The following MGAT4C variants were observed in gnomAD, a reference collection of about 807,000 sequenced individuals.
MGAT4C encodes MGAT4 family member C.
Under a neutral mutation model 40.1 loss-of-function variants are expected in MGAT4C, and 19 were observed. The ratio of observed to expected loss-of-function variants is 0.47; its 90% CI spans 0.33 to 0.70. The LOEUF is 0.70. MGAT4C is among the 30% of genes least tolerant of loss of function. The probability of loss-of-function intolerance (pLI) is 0.02; values close to 1 mark genes in which losing one functional copy is unlikely to be tolerated. For missense variants in MGAT4C, 491 were observed against 563.2 expected, an observed-to-expected ratio of 0.87 and a Z score of 1.30; for synonymous variants, 181 against 187.1, an observed-to-expected ratio of 0.97 and a Z score of 0.27.
chr12:86,419,842 G>C (rs1172756235), intron 3 of MGAT4C, among the ~76,000 whole-genome samples: 1 of 152,096 alleles, frequency 6.6e-6, no homozygotes, highest in East Asian at 1.9e-4. Context: ...TGTATTAAGA[G>C]AGTTGTATCA....
intron 2 of MGAT4C, among the ~76,000 whole-genome samples, chr12:86,709,872 C>A: frequency 6.6e-6 from 1 of 152,156 alleles, no homozygotes; most frequent in East Asian, 1.9e-4. Flanking sequence ...TTTATTTGTG[C>A]TAATACTCTT....
chr12:86,357,997 C>T (rs754567604), intron 3 of MGAT4C, among the ~76,000 whole-genome samples: 10 of 151,940 alleles, frequency 6.6e-5, no homozygotes, highest in South Asian at 4.1e-4. Flanking sequence ...CGATACTCCT[C>T]GAGAAGAACA....
In MGAT4C at chr12:86,769,166, T is replaced by A. The variant is rs188154549; in HGVS notation, c.-261-41925A>T. 3.1e-3 allele frequency among the ~76,000 whole-genome samples: 467 copies of A among 151,766 alleles called. 3 individuals are homozygous for A. Among genetic ancestry groups the A allele is most frequent in the Middle Eastern group, 0.014 (4 of 292 alleles). ...GAATCTACAAAGAACTCAAACAAAT[T>A]TACAAGAGAAAAACAAAAAACCCCA... is the stretch of plus-strand genomic sequence containing the variant. On this transcript the variant is annotated intron_variant, in intron 1 of 7. Coordinates refer to the MGAT4C transcript ENST00000548651.
intron 2 of MGAT4C, among the ~76,000 whole-genome samples, chr12:86,684,282 T>C (rs138817002): frequency 0.013 from 1,984 of 152,282 alleles, 95 homozygotes; most frequent in Admixed American, 0.021. Flanking sequence ...ACATGTGGTG[T>C]TTGGTTTTCT....
intron 1 of MGAT4C, among the ~76,000 whole-genome samples, chr12:86,242,396 C>T (rs756436239): frequency 1.3e-5 from 2 of 152,150 alleles, no homozygotes; most frequent in Non-Finnish European, 2.9e-5. Context: ...GAATCTGCAT[C>T]ATTTCATTTA....
rs1555227786 is a variant in MGAT4C, at chr12:86,774,322, T to TCTTTCTTTCTTTCTTTC, written c.-261-47098_-261-47082dup. Among the ~76,000 whole-genome samples, 181 of 99,520 alleles carry TCTTTCTTTCTTTCTTTC rather than the reference T, an allele frequency of 1.8e-3. 9 individuals carry two copies. The highest frequency in any genetic ancestry group is 4.5e-3 in the Middle Eastern group (1 of 224). 65.3% of individuals were successfully genotyped at this position (99,520 alleles called of 152,430 possible). On this transcript the variant is annotated intron_variant, in intron 1 of 7. Transcript: ENST00000548651. ...TTCTTTCTTTCTTTCTTTCTTTCTTTCTTTCTTTCTTTCTTTCTGTCTCTC... is the reference window on the plus strand; with the variant it reads ...TTCTTTCTTTCTTTCTTTCTTTCTTTCTTTCTTTCTTTCTTTCCTTTCTTTCTTTCTTTCTGTCTCTC...
intron 2 of MGAT4C, among the ~76,000 whole-genome samples, chr12:86,003,220 T>C (rs1456541983): frequency 6.6e-6 from 1 of 152,234 alleles, no homozygotes; most frequent in African/African-American, 2.4e-5. Context: ...GAAATGGACG[T>C]ATATTTGGCA....
At chr12:86,250,899 T>C (rs1219994805) in intron 1 of MGAT4C, among the ~76,000 whole-genome samples, 3 of 152,080 alleles carry the variant, frequency 2.0e-5, no homozygotes, top group African/African-American at 7.2e-5. Context: ...GTTTGTACTA[T>C]ACCAGAGTTT....
chr12:86,688,622 A>G (rs1200766080), intron 2 of MGAT4C, among the ~76,000 whole-genome samples: 1 of 152,152 alleles, frequency 6.6e-6, no homozygotes, highest in Non-Finnish European at 1.5e-5. Flanking sequence ...TTGGCTGGAT[A>G]TGAAATTCTG....
In MGAT4C at chr12:86,732,630, G is replaced by A. The variant is rs144498350; in HGVS notation, c.-261-5389C>T. Among the ~76,000 whole-genome samples, 599 of 152,158 alleles carry A rather than the reference G, an allele frequency of 3.9e-3. 18 individuals carry two copies. Among genetic ancestry groups the A allele is most frequent in the Admixed American group, 0.037 (562 of 15,244 alleles). On this transcript the variant is annotated intron_variant, in intron 1 of 7. Coordinates refer to the MGAT4C transcript ENST00000548651. ...TCTAATGCCAAGACAGATCTGACAG[G>A]AGGTGGAGCTCAGGTGGTAATGCAT...
intron 2 of MGAT4C, among the ~76,000 whole-genome samples, chr12:86,024,532 C>A (rs1890078142): frequency 6.6e-6 from 1 of 151,686 alleles, no homozygotes; most frequent in Admixed American, 6.6e-5. Flanking sequence ...ATATAATTTT[C>A]ATTTATATAA....
intron 2 of MGAT4C, among the ~76,000 whole-genome samples, chr12:86,454,935 AT>A (rs1046803360): frequency 7.9e-5 from 12 of 151,748 alleles, no homozygotes; most frequent in Non-Finnish European, 1.5e-4. Context: ...CTCCTAATAC[AT>A]TTTTTCTTAC....
intron 2 of MGAT4C, among the ~76,000 whole-genome samples, chr12:86,014,425 A>C (rs116452176): frequency 5.5e-4 from 84 of 152,236 alleles, no homozygotes; most frequent in African/African-American, 2.0e-3. Context: ...TGAGGATGTT[A>C]ATGCGGGAAA....
chr12:86,360,739 G>A, intron 3 of MGAT4C, among the ~76,000 whole-genome samples: 1 of 152,136 alleles, frequency 6.6e-6, no homozygotes, highest in East Asian at 1.9e-4. Context: ...ATTCACAATT[G>A]CTTGAAAGAG....
intron 2 of MGAT4C, among the ~76,000 whole-genome samples, chr12:86,641,562 AAGG>A (rs1963388845): frequency 6.6e-6 from 1 of 151,810 alleles, no homozygotes; most frequent in Admixed American, 6.6e-5. Context: ...AAAGAATTCT[AAGG>A]AGAGGTACTG....
intron 4 of MGAT4C, among the ~76,000 whole-genome samples, chr12:86,305,539 T>C (rs1274580486): frequency 6.6e-6 from 1 of 150,410 alleles, no homozygotes; most frequent in East Asian, 1.9e-4. Context: ...ATGTTCTATG[T>C]AACAATTTTA....
chr12:86,510,682 G>A (rs1015459992), intron 2 of MGAT4C, among the ~76,000 whole-genome samples: 1 of 152,050 alleles, frequency 6.6e-6, no homozygotes, highest in African/African-American at 2.4e-5. Flanking sequence ...AAAGGCAGGG[G>A]TTGCAATCCT....
chr12:86,168,619 G>A (rs1886445240), intron 1 of MGAT4C, among the ~76,000 whole-genome samples: 1 of 152,060 alleles, frequency 6.6e-6, no homozygotes, highest in Non-Finnish European at 1.5e-5. Flanking sequence ...TTCCTGTTCA[G>A]TAAAGGACGT....
At chr12:86,425,708 TCTTGCACC>T (rs1956912821) in intron 3 of MGAT4C, among the ~76,000 whole-genome samples, 1 of 152,192 alleles carries the variant, frequency 6.6e-6, no homozygotes, top group Non-Finnish European at 1.5e-5. Context: ...CCAGCCAAAA[TCTTGCACC>T]AGCCAGCAAA....
Sources: allele counts gnomAD v4.1 joint callset (sites outside exome capture counted in the v4.1 genomes callset), GRCh38; gene constraint gnomAD v4.1.1; transcripts MANE v1.5; gene names NCBI Gene and HGNC (gene_info 2026-07-23, HGNC 2026-07-21).